The following CCSER1 variants were observed in gnomAD, a reference collection of about 807,000 sequenced individuals.
CCSER1 encodes coiled-coil serine rich protein 1.
A neutral mutation model predicts 82.0 loss-of-function variants in CCSER1; 41 were observed. That is an observed-to-expected ratio of 0.50 (90% confidence interval 0.39 to 0.65). The LOEUF is 0.65. CCSER1 is among the 30% of genes least tolerant of loss of function. The probability of loss-of-function intolerance (pLI) is 0.00; values close to 1 mark genes in which losing one functional copy is unlikely to be tolerated. For missense variants in CCSER1, 1,119 were observed against 1,064.2 expected, an observed-to-expected ratio of 1.05 and a Z score of -0.72; for synonymous variants, 414 against 383.9, an observed-to-expected ratio of 1.08 and a Z score of -0.92.
chr4:90,521,852 A>G (rs114281504), intron 5 of CCSER1, among the ~76,000 whole-genome samples: 1,899 of 152,322 alleles, frequency 0.012, 13 homozygotes, highest in South Asian at 0.023. Context: ...ATACTGGTCA[A>G]GATAGCCATT....
At chr4:90,912,422 A>C (rs577159443) in intron 8 of CCSER1, among the ~76,000 whole-genome samples, 1 of 152,338 alleles carries the variant, frequency 6.6e-6, no homozygotes, top group Admixed American at 6.5e-5. Context: ...CCTGCAGCTG[A>C]GGGTGCTGAC....
chr4:91,178,253 G>A lies in CCSER1; in HGVS notation c.2217+92259G>A, dbSNP rs574951378. Among the ~76,000 whole-genome samples the A allele has an allele frequency of 4.2e-4, 64 of 152,278 alleles. 1 individual carries two copies. The highest frequency in any genetic ancestry group is 7.8e-4 in the Non-Finnish European group (53 of 68,018). ...CAACTATGTGGTCGGTTTTGGAATA[G>A]GTGTGGTGTGGTGCTGAGAAGAATG... On this transcript the variant is annotated intron_variant, in intron 10 of 10. Coordinates refer to ENST00000509176, the MANE Select transcript of CCSER1 (RefSeq NM_001145065.2).
chr4:90,687,839 A>G (rs1735099525), intron 6 of CCSER1, among the ~76,000 whole-genome samples: 1 of 152,188 alleles, frequency 6.6e-6, no homozygotes, highest in African/African-American at 2.4e-5. Flanking sequence ...ACCAACAAGA[A>G]GTGATTACTT....
intron 5 of CCSER1, among the ~76,000 whole-genome samples, chr4:90,580,370 A>G (rs1298116180): frequency 6.6e-6 from 1 of 152,138 alleles, no homozygotes; most frequent in African/African-American, 2.4e-5. Context: ...AGAGAAACTT[A>G]CCTCACTCTT....
At chr4:90,819,660 G>A (rs1759482642) in intron 8 of CCSER1, among the ~76,000 whole-genome samples, 1 of 152,064 alleles carries the variant, frequency 6.6e-6, no homozygotes, top group Non-Finnish European at 1.5e-5. Flanking sequence ...TTTCTAATGT[G>A]AATGTATTTT....
intron 10 of CCSER1, among the ~76,000 whole-genome samples, chr4:91,165,108 G>A (rs552260886): frequency 3.2e-4 from 49 of 152,294 alleles, no homozygotes; most frequent in East Asian, 5.8e-4. Context: ...TCCTACAGAT[G>A]TGGTTTTGGT....
chr4:90,737,101 G>C (rs1251237090), intron 7 of CCSER1, among the ~76,000 whole-genome samples: 3 of 151,844 alleles, frequency 2.0e-5, no homozygotes, highest in Non-Finnish European at 4.4e-5. Context: ...TATTATTTTT[G>C]TTACATTCAT....
At chr4:91,391,566 G>T (rs1369512333) in intron 10 of CCSER1, among the ~76,000 whole-genome samples, 1 of 152,130 alleles carries the variant, frequency 6.6e-6, no homozygotes, top group African/African-American at 2.4e-5. Context: ...CTCCCAAAGT[G>T]CTGAGATTAT....
At chr4:91,136,940 A>T (rs1728520789) in intron 10 of CCSER1, among the ~76,000 whole-genome samples, 1 of 152,160 alleles carries the variant, frequency 6.6e-6, no homozygotes, top group Non-Finnish European at 1.5e-5. Context: ...GCTTTCTCTA[A>T]AACTAAAAAC....
intron 10 of CCSER1, among the ~76,000 whole-genome samples, chr4:91,580,154 T>C (rs1017838488): frequency 1.3e-5 from 2 of 151,906 alleles, no homozygotes; most frequent in African/African-American, 4.8e-5. Flanking sequence ...ATATTCTTTA[T>C]AATGCAGCAT....
At chr4:91,009,627 T>C (rs2150498873) in intron 9 of CCSER1, among the ~76,000 whole-genome samples, 1 of 152,310 alleles carries the variant, frequency 6.6e-6, no homozygotes, top group African/African-American at 2.4e-5. Flanking sequence ...TTTTATGTAG[T>C]GCTAAGCTTT....
intron 3 of CCSER1, among the ~76,000 whole-genome samples, chr4:90,321,490 G>A (rs1737146739): frequency 6.6e-6 from 1 of 152,080 alleles, no homozygotes; most frequent in Non-Finnish European, 1.5e-5. Flanking sequence ...TTGATTGCAT[G>A]TCCTGGCTAT....
rs1000986811 is a variant in CCSER1, at chr4:90,780,647, A to G, written c.2011-35115A>G. 9 of 1,366,232 alleles carry G rather than the reference A, an allele frequency of 6.6e-6. No homozygotes were observed. The East Asian group carries it at 2.2e-4, about 33-fold the overall frequency. 84.6% of individuals were successfully genotyped at this position (1,366,232 alleles called of 1,614,324 possible). ...TTTCTATATCATTATATTCATTCAAATGATTCTCTTAAAATAATAATGAAC... is the reference window on the plus strand; with the variant it reads ...TTTCTATATCATTATATTCATTCAAGTGATTCTCTTAAAATAATAATGAAC... On this transcript the variant is annotated intron_variant, in intron 7 of 10. Coordinates refer to ENST00000509176, the MANE Select transcript of CCSER1 (RefSeq NM_001145065.2).
chr4:90,157,753 G>A (rs1000783753), intron 1 of CCSER1, among the ~76,000 whole-genome samples: 7 of 152,004 alleles, frequency 4.6e-5, no homozygotes, highest in African/African-American at 1.7e-4. Flanking sequence ...CTCTGTATTG[G>A]TTATTCTAGT....
chr4:91,250,969 A>C (rs1161674051), intron 10 of CCSER1, among the ~76,000 whole-genome samples: 4 of 152,184 alleles, frequency 2.6e-5, no homozygotes, highest in Non-Finnish European at 4.4e-5. Flanking sequence ...ATAGAGAATG[A>C]ACTGTGTTGT....
intron 1 of CCSER1, among the ~76,000 whole-genome samples, chr4:90,149,131 A>G (rs1402155859): frequency 1.3e-5 from 2 of 152,164 alleles, no homozygotes; most frequent in African/African-American, 4.8e-5. Context: ...AATTTTACAT[A>G]TAGTAATGCA....
At chr4:90,810,659 A>ACAG (rs1758136870) in intron 7 of CCSER1, among the ~76,000 whole-genome samples, 4 of 150,980 alleles carry the variant, frequency 2.6e-5, no homozygotes, top group African/African-American at 7.3e-5. Flanking sequence ...AACAACAACA[A>ACAG]CAACAACAAC....
intron 10 of CCSER1, among the ~76,000 whole-genome samples, chr4:91,178,406 T>C (rs1335745395): frequency 4.4e-5 from 3 of 67,750 alleles, no homozygotes; most frequent in African/African-American, 9.0e-5. Context: ...ATGTTGACAG[T>C]GGGGTAAAGT....
chr4:90,403,761 G>T (rs1220385580), intron 4 of CCSER1, among the ~76,000 whole-genome samples: 1 of 152,086 alleles, frequency 6.6e-6, no homozygotes, highest in Non-Finnish European at 1.5e-5. Flanking sequence ...GTCTTATTAT[G>T]GTAGTTTATA....
Sources: gnomAD v4.1 joint callset for allele counts (sites outside exome capture counted in the v4.1 genomes callset) on GRCh38, gnomAD v4.1.1 for gene constraint, MANE v1.5 for transcripts, NCBI Gene and HGNC (gene_info 2026-07-23, HGNC 2026-07-21) for gene names.